Variants in EPHA5 observed in about 807,000 individuals in gnomAD.
EPHA5 encodes the protein ephrin type-A receptor 5.
EPHA5 carries 60 observed loss-of-function variants against 105.0 expected under a neutral mutation model. The ratio of observed to expected loss-of-function variants is 0.57; its 90% CI spans 0.46 to 0.71. The LOEUF is 0.71. EPHA5 is among the 30% of genes least tolerant of loss of function. The pLI is 0.00. For missense variants in EPHA5, 1,218 were observed against 1,274.7 expected (o/e 0.96, Z 0.68); for synonymous variants, 513 against 449.1 (o/e 1.14, Z -1.80).
intron 5 of EPHA5, among the ~76,000 whole-genome samples, chr4:65,456,245 A>G (rs10023803): frequency 0.25 from 38,631 of 151,900 alleles, 5,327 homozygotes; most frequent in Middle Eastern, 0.35. Context: ...TCTCTACTGT[A>G]TTTGCCTTCC....
intron 5 of EPHA5, among the ~76,000 whole-genome samples, chr4:65,462,454 G>A (rs529289445): frequency 1.3e-5 from 2 of 152,088 alleles, no homozygotes; most frequent in African/African-American, 2.4e-5. Context: ...CATTGATGGG[G>A]GGGTCTTCTC....
rs1343821040 is a variant in EPHA5, at chr4:65,554,163, A to G, written c.910+47478T>C. 5.3e-5 allele frequency among the ~76,000 whole-genome samples: 8 copies of G among 150,960 alleles called. No homozygotes were observed. The East Asian group carries it at 1.5e-3, about 29-fold the overall frequency. ...AGTCCAAGCAAGTAAGGAAAAAAAAAATTGAGAAACTTGTACTTTTGCTAA... is the reference window on the plus strand; with the variant it reads ...AGTCCAAGCAAGTAAGGAAAAAAAAGATTGAGAAACTTGTACTTTTGCTAA... On this transcript the variant is annotated intron_variant, in intron 3 of 16. Transcript: ENST00000613740.
chr4:65,386,570 A>T (rs931485234), intron 8 of EPHA5, among the ~76,000 whole-genome samples: 1 of 152,006 alleles, frequency 6.6e-6, no homozygotes, highest in Non-Finnish European at 1.5e-5. Context: ...TCTCTCAAAC[A>T]ATAACAGTTA....
At chr4:65,582,814 G>A (rs760421383) in intron 3 of EPHA5, among the ~76,000 whole-genome samples, 7 of 151,656 alleles carry the variant, frequency 4.6e-5, no homozygotes, top group Non-Finnish European at 8.9e-5. Context: ...ATAAAATAAA[G>A]TAAAATGACC....
At chr4:65,552,703 T>G (rs1265570777) in intron 3 of EPHA5, among the ~76,000 whole-genome samples, 2 of 152,156 alleles carry the variant, frequency 1.3e-5, no homozygotes, top group East Asian at 3.9e-4. Context: ...TATTTAAGAT[T>G]CTTTAAAAAA....
At chr4:65,418,582 C>T (rs144425068) in intron 6 of EPHA5, among the ~76,000 whole-genome samples, 72 of 152,196 alleles carry the variant, frequency 4.7e-4, no homozygotes, top group African/African-American at 1.7e-3. Flanking sequence ...TCGGAATTAT[C>T]TGATAGTTGC....
intron 8 of EPHA5, among the ~76,000 whole-genome samples, chr4:65,395,344 T>A (rs536185555): frequency 1.3e-5 from 2 of 152,338 alleles, no homozygotes; most frequent in South Asian, 2.1e-4. Context: ...TTATATCATA[T>A]GTCCTGGACT....
intron 5 of EPHA5, among the ~76,000 whole-genome samples, chr4:65,423,876 TCTAA>T (rs561704638): frequency 2.6e-5 from 4 of 152,008 alleles, no homozygotes; most frequent in South Asian, 4.1e-4. Context: ...TTCTAAGCCC[TCTAA>T]CTGACAGGAC....
intron 8 of EPHA5, among the ~76,000 whole-genome samples, chr4:65,402,110 G>T (rs538826359): frequency 5.9e-5 from 9 of 152,136 alleles, no homozygotes; most frequent in East Asian, 1.9e-4. Flanking sequence ...AGATCTAATG[G>T]TTTTTTAAGG....
chr4:65,392,574 T>G (rs1720824986), intron 8 of EPHA5, among the ~76,000 whole-genome samples: 1 of 152,120 alleles, frequency 6.6e-6, no homozygotes, highest in Admixed American at 6.6e-5. Flanking sequence ...ATGACAATGG[T>G]ATAAGCATGT....
At chr4:65,332,612 G>C (rs1469182561) in intron 15 of EPHA5, among the ~76,000 whole-genome samples, 3 of 151,216 alleles carry the variant, frequency 2.0e-5, no homozygotes, top group Admixed American at 6.6e-5. Flanking sequence ...GCTGGTAATG[G>C]GGTGGTGGGG....
At position 65,379,272 on chromosome 4, in the gene EPHA5, C is replaced by CACGT. The variant is rs1225366816; in HGVS notation, c.1794-11849_1794-11848insACGT. Among the ~76,000 whole-genome samples, 3 of 97,428 alleles carry CACGT rather than the reference C, an allele frequency of 3.1e-5. No individual in the cohort carries two copies. In the East Asian group the frequency reaches 1.5e-3, roughly 49 times the overall value. The allele number at this position is 97,428 out of a possible 152,430, so 63.9% of individuals were successfully genotyped here. A position where few individuals can be genotyped will look rare whatever the true frequency, so the allele number is the denominator to read the frequency against. On this transcript the variant is annotated intron_variant, in intron 8 of 16. Coordinates refer to ENST00000613740, the MANE Select transcript of EPHA5 (RefSeq NM_001281766.3). Reference sequence around the variant, plus strand: ...GCTTTGTGTCTTATGAATAAGTATGCACATACACACACACACACACACTCA... The same window carrying CACGT: ...GCTTTGTGTCTTATGAATAAGTATGCACGTACATACACACACACACACACACTCA...
rs769983099 is a variant in EPHA5, at chr4:65,643,352, A to G, written c.246+11T>C. On this transcript the variant is annotated intron_variant, in intron 2 of 16. Transcript: ENST00000613740. ...TAGCTTAAGTTTTAGAAAAACTTTC[A>G]TAAAACTTACCCCATTTTTTGGAAA... The G allele has an allele frequency of 8.1e-6, 13 of 1,609,010 alleles. No individual in the cohort carries two copies. Among genetic ancestry groups the G allele is most frequent in the African/African-American group, 8.0e-5 (6 of 74,812 alleles).
rs1718022469 is a variant in EPHA5 at position 65,367,410 on chromosome 4, C to T, written c.1808G>A (p.Ser603Asn). 2 of 1,612,138 alleles carry T rather than the reference C, an allele frequency of 1.2e-6. No individual in the cohort carries two copies. The highest frequency in any genetic ancestry group is 1.7e-5 in the Admixed American group (1 of 59,918). The change falls in exon 9 of 17, where the codon AGC becomes AAC. Residue 603 changes from serine (S) to asparagine (N), a missense_variant. This residue lies in a region of EPHA5 where 971 missense variants were observed against 1,013.5 expected (regional missense o/e 0.96). Transcript: ENST00000613740. Reference protein sequence around the residue: ...VLLSGRRCGYSKAKQDPEEEK... With the variant: ...VLLSGRRCGYNKAKQDPEEEK... Reference sequence around the variant, plus strand: ...CTCTTCTGGATCTTGTTTTGCTTTGCTGTAGCCACACCGCCTGGAACAAAG... The same window carrying T: ...CTCTTCTGGATCTTGTTTTGCTTTGTTGTAGCCACACCGCCTGGAACAAAG...
Position 65,332,056 on chromosome 4 carries a change from C to G in EPHA5, c.2862G>C (p.Glu954Asp). ...GAYRSVGEWL[E>D]AIKMGRYTEI... ...CTGTATACCGGCCCATCTTGATTGC[C>G]TCTAGCCATTCACCTACTGATCTGT... The change falls in exon 16 of 17, where the codon GAG becomes GAC. Residue 954 changes from glutamate to aspartate, a missense_variant. Glu to Asp is a conservative substitution (Grantham distance 45). Coordinates refer to ENST00000613740, the MANE Select transcript of EPHA5 (RefSeq NM_001281766.3). The G allele has an allele frequency of 6.2e-7, 1 of 1,611,820 alleles. No individual in the cohort carries two copies. The highest frequency in any genetic ancestry group is 8.5e-7 in the Non-Finnish European group (1 of 1,178,636).
In EPHA5 at chr4:65,320,607, C is replaced by T. The variant is rs915135536; in HGVS notation, c.*3507G>A. 1 of 229,610 alleles carries T rather than the reference C, an allele frequency of 4.4e-6. No homozygotes were observed. The highest frequency in any genetic ancestry group is 8.6e-6 in the Non-Finnish European group (1 of 115,822). The allele number at this position is 229,610 out of a possible 1,614,324, so 14.2% of individuals were successfully genotyped here. ...CAGAAGGTAAATATCTGTGCTTGTGCTTCTGAGAACCCACTTTACATGGCA... is the reference window on the plus strand; with the variant it reads ...CAGAAGGTAAATATCTGTGCTTGTGTTTCTGAGAACCCACTTTACATGGCA... On this transcript the variant is annotated 3_prime_UTR_variant, in exon 17 of 17. Transcript: ENST00000613740.
chr4:65,516,951 T>A (rs1578310637), intron 3 of EPHA5, among the ~76,000 whole-genome samples: 1 of 152,248 alleles, frequency 6.6e-6, no homozygotes, highest in East Asian at 1.9e-4. Context: ...GTGTAGTGTT[T>A]GTGTGGTATT....
intron 5 of EPHA5, among the ~76,000 whole-genome samples, chr4:65,475,310 T>G (rs779371782): frequency 5.3e-5 from 8 of 152,194 alleles, no homozygotes; most frequent in Non-Finnish European, 1.0e-4. Flanking sequence ...AAATACTTCA[T>G]GTGTGAATGC....
intron 8 of EPHA5, among the ~76,000 whole-genome samples, chr4:65,396,384 T>C (rs1721240005): frequency 6.6e-6 from 1 of 152,176 alleles, no homozygotes; most frequent in Non-Finnish European, 1.5e-5. Context: ...GTATTTGAAC[T>C]CACCTGGAAG....
Sources: gnomAD v4.1 joint callset for allele counts (sites outside exome capture counted in the v4.1 genomes callset) on GRCh38, gnomAD v4.1.1 for gene constraint, gnomAD v4.1.1 regional missense constraint, MANE v1.5 for transcripts, NCBI Gene and HGNC (gene_info 2026-07-23, HGNC 2026-07-21) for gene names.